Variants in LAMA2 observed in about 807,000 individuals in gnomAD.
The protein encoded by LAMA2 is laminin subunit alpha 2.
In LAMA2, 269 loss-of-function variants were observed where a neutral mutation model predicts 364.8. That is an observed-to-expected ratio of 0.74 (90% confidence interval 0.67 to 0.82). LAMA2 has a LOEUF of 0.82. Among genes scored for constraint, LAMA2 ranks in the 40% least tolerant of loss-of-function variants. The pLI is 0.00. For synonymous variants in LAMA2, 1,379 were observed against 1,370.6 expected, an observed-to-expected ratio of 1.01 and a Z score of -0.14; for missense variants, 3,807 against 3,873.2, an observed-to-expected ratio of 0.98 and a Z score of 0.45.
At chr6:129,273,649 T>A (rs1460694008) in intron 17 of LAMA2, among the ~76,000 whole-genome samples, 2 of 152,138 alleles carry the variant, frequency 1.3e-5, no homozygotes, top group African/African-American at 4.8e-5. Flanking sequence ...TTCTAATTGT[T>A]GTTCCTGAAA....
At chr6:129,462,462 C>T (rs999187312) in intron 49 of LAMA2, among the ~76,000 whole-genome samples, 3 of 151,932 alleles carry the variant, frequency 2.0e-5, no homozygotes, top group Non-Finnish European at 4.4e-5. Flanking sequence ...TTTGCCCCAT[C>T]GCTAACACTT....
intron 8 of LAMA2, among the ~76,000 whole-genome samples, chr6:129,163,400 G>T (rs1007027626): frequency 6.6e-6 from 1 of 152,128 alleles, no homozygotes; most frequent in Non-Finnish European, 1.5e-5. Flanking sequence ...TTGGAAGGCC[G>T]AAGCAGGCAA....
intron 1 of LAMA2, among the ~76,000 whole-genome samples, chr6:128,924,126 C>G (rs530604067): frequency 1.3e-5 from 2 of 152,276 alleles, no homozygotes; most frequent in East Asian, 1.9e-4. Context: ...TAAAATCATA[C>G]TATGCTCTCA....
intron 2 of LAMA2, among the ~76,000 whole-genome samples, chr6:129,058,572 G>T (rs953528948): frequency 6.6e-6 from 1 of 152,186 alleles, no homozygotes; most frequent in Admixed American, 6.5e-5. Flanking sequence ...CTCCACTAGA[G>T]TTAGTGATGA....
At chr6:128,937,789 T>C (rs1301695431) in intron 1 of LAMA2, among the ~76,000 whole-genome samples, 1 of 152,090 alleles carries the variant, frequency 6.6e-6, no homozygotes, top group Non-Finnish European at 1.5e-5. Context: ...ATTTCATTTA[T>C]TTATGCTCTA....
intron 45 of LAMA2, among the ~76,000 whole-genome samples, chr6:129,448,397 A>G (rs775309203): frequency 3.9e-5 from 6 of 152,276 alleles, no homozygotes; most frequent in Middle Eastern, 3.2e-3. Flanking sequence ...ATGGAATTAC[A>G]ACACAATGCC....
chr6:129,292,808 T>A, intron 20 of LAMA2: 1 of 985,828 alleles, frequency 1.0e-6, no homozygotes. Flanking sequence ...TAAAGCCCAA[T>A]ATGTGGCGGG....
intron 40 of LAMA2, among the ~76,000 whole-genome samples, chr6:129,417,167 G>C (rs1562544733): frequency 6.6e-6 from 1 of 152,070 alleles, no homozygotes. Flanking sequence ...TCCACCATTT[G>C]CGGGGGGGTC....
At chr6:129,147,179 A>G in intron 6 of LAMA2, 131 bp downstream of exon 6, 1 of 723,092 alleles carries the variant, frequency 1.4e-6, no homozygotes, top group Non-Finnish European at 2.6e-6. Context: ...ACAGAAATCC[A>G]TGCCAGGGTG....
rs76054055 is a variant in LAMA2 at position 129,413,230 on chromosome 6, A to T, written c.5865+9271A>T. ...GGACAAAGAAAGTGATCATGATAGA[A>T]TAAAAGGAACAAGGAAAACTAAAAA... On this transcript the variant is annotated intron_variant, in intron 40 of 64. Coordinates refer to ENST00000421865, the MANE Select transcript of LAMA2 (RefSeq NM_000426.4). Among the ~76,000 whole-genome samples the T allele has an allele frequency of 7.8e-3, 1,195 of 152,284 alleles. 13 individuals are homozygous for T. The highest frequency in any genetic ancestry group is 0.028 in the African/African-American group (1,150 of 41,570).
intron 1 of LAMA2, among the ~76,000 whole-genome samples, chr6:128,935,721 A>G (rs947274489): frequency 1.2e-4 from 18 of 152,190 alleles, no homozygotes; most frequent in African/African-American, 3.4e-4. Context: ...ATATAAGATC[A>G]TGTCATCTGC....
chr6:129,240,420 C>G (rs1785320537), intron 12 of LAMA2, among the ~76,000 whole-genome samples: 1 of 152,194 alleles, frequency 6.6e-6, no homozygotes, highest in Admixed American at 6.5e-5. Flanking sequence ...CCACTATGAA[C>G]AGTGAGATTT....
At chr6:129,298,704 A>G (rs947880229) in intron 21 of LAMA2, among the ~76,000 whole-genome samples, 1 of 152,208 alleles carries the variant, frequency 6.6e-6, no homozygotes, top group African/African-American at 2.4e-5. Context: ...GGCAAATTTA[A>G]GTAGGAAGCA....
rs545370947 is a variant in LAMA2 at position 128,918,885 on chromosome 6, A to G, written c.112+35528A>G. On this transcript the variant is annotated intron_variant, in intron 1 of 64. Transcript: ENST00000421865. Reference sequence around the variant, plus strand: ...ATGGAATCTGGGAGCAGCAGGGAACATAAGTAATGTCACGGTGTCAGGATT... The same window carrying G: ...ATGGAATCTGGGAGCAGCAGGGAACGTAAGTAATGTCACGGTGTCAGGATT... Among the ~76,000 whole-genome samples the G allele has an allele frequency of 5.3e-5, 8 of 152,332 alleles. No homozygotes were observed. In the East Asian group the frequency reaches 1.3e-3, roughly 26 times the overall value.
chr6:129,049,722 G>C (rs1787856780), intron 1 of LAMA2, among the ~76,000 whole-genome samples, 196 bp from the exon 2 acceptor site: 1 of 152,120 alleles, frequency 6.6e-6, no homozygotes. Context: ...TTAAGACCCA[G>C]AAAGAAAAAT....
rs1247245883 is a variant in LAMA2, at chr6:129,315,941, A to T, written c.3915A>T (p.Glu1305Asp). 1 of 1,614,022 alleles carries T rather than the reference A, an allele frequency of 6.2e-7. No homozygotes were observed. The highest frequency in any genetic ancestry group is 1.3e-5 in the African/African-American group (1 of 74,932). Residue 1305 changes from glutamate to aspartate, a missense_variant, in exon 26 of 65, where the codon GAA (glutamate) becomes GAT (aspartate). By Grantham distance (45) the Glu-to-Asp change is conservative. Coordinates refer to ENST00000421865, the MANE Select transcript of LAMA2 (RefSeq NM_000426.4). ...GCCAATTGACAAGGCATGAAATTGA[A>T]ATGACAGAGGTAAAGTTAGTCATTG... ...LIGQLTRHEI[E>D]MTEKEWKYYG...
chr6:129,453,306 A>G (rs1347750634), intron 46 of LAMA2, among the ~76,000 whole-genome samples, 175 bp downstream of exon 46: 5 of 152,326 alleles, frequency 3.3e-5, no homozygotes, highest in East Asian at 3.9e-4. Context: ...AAATTAAGTT[A>G]GAAGGCAAAT....
At chr6:129,066,139 G>A (rs9388681) in intron 3 of LAMA2, among the ~76,000 whole-genome samples, 64,644 of 134,800 alleles carry the variant, frequency 0.48, 18,176 homozygotes, top group East Asian at 0.8. Flanking sequence ...TCCGCCTCCC[G>A]GGTTCATGCC....
At chr6:128,957,827 A>G (rs1301138057) in intron 1 of LAMA2, among the ~76,000 whole-genome samples, 1 of 123,982 alleles carries the variant, frequency 8.1e-6, no homozygotes, top group East Asian at 2.3e-4. Flanking sequence ...AGGCTGTACT[A>G]CTTCATGCAT....
Sources: allele counts gnomAD v4.1 joint callset (sites outside exome capture counted in the v4.1 genomes callset), GRCh38; gene constraint gnomAD v4.1.1; transcripts MANE v1.5; gene names NCBI Gene and HGNC (gene_info 2026-07-23, HGNC 2026-07-21).